Variants in CNTN3 observed in about 807,000 individuals in gnomAD.
CNTN3 encodes contactin-3.
A neutral mutation model predicts 119.1 loss-of-function variants in CNTN3; 60 were observed. That is an observed-to-expected ratio of 0.50 (90% confidence interval 0.41 to 0.62). The LOEUF (loss-of-function observed/expected upper bound fraction) is 0.62, where lower values mean the gene tolerates loss of function less well. Among genes scored for constraint, CNTN3 ranks in the 20% least tolerant of loss-of-function variants. The pLI is 0.00. For missense variants in CNTN3, 1,101 were observed against 1,242.4 expected (o/e 0.89, Z 1.71); for synonymous variants, 450 against 438.7 (o/e 1.03, Z -0.32).
At chr3:74,416,191 T>A (rs567807158) in intron 5 of CNTN3, among the ~76,000 whole-genome samples, 1 of 152,284 alleles carries the variant, frequency 6.6e-6, no homozygotes, top group Non-Finnish European at 1.5e-5. Context: ...AGAAAGAAAG[T>A]ATAGTTAATC....
chr3:74,448,870 T>C (rs866293264), intron 4 of CNTN3, among the ~76,000 whole-genome samples: 5 of 152,156 alleles, frequency 3.3e-5, no homozygotes, highest in African/African-American at 9.6e-5. Context: ...CACACATTCA[T>C]ACTTTACCTA....
chr3:74,311,705 T>G (rs1238800191), intron 13 of CNTN3, among the ~76,000 whole-genome samples: 2 of 152,222 alleles, frequency 1.3e-5, no homozygotes, highest in African/African-American at 4.8e-5. Flanking sequence ...ACCTGACTTT[T>G]GGTTTCTGAT....
At chr3:74,407,796 G>C (rs1357728140) in intron 5 of CNTN3, among the ~76,000 whole-genome samples, 3 of 152,040 alleles carry the variant, frequency 2.0e-5, no homozygotes, top group Non-Finnish European at 4.4e-5. Context: ...AAAAGAAAAA[G>C]ACTGACAAAT....
At chr3:74,577,752 T>C (rs1444698610) in intron 1 of CNTN3, among the ~76,000 whole-genome samples, 1 of 151,948 alleles carries the variant, frequency 6.6e-6, no homozygotes, top group Non-Finnish European at 1.5e-5. Flanking sequence ...CTAACATTAA[T>C]TTTAGCCAAA....
chr3:74,488,546 T>C (rs1030428618), intron 3 of CNTN3, among the ~76,000 whole-genome samples: 6 of 152,334 alleles, frequency 3.9e-5, no homozygotes, highest in Non-Finnish European at 7.3e-5. Flanking sequence ...TATGTCTGTA[T>C]CATTTTCTAT....
chr3:74,318,967 AG>A lies in CNTN3; in HGVS notation c.1668+15767del, dbSNP rs570521041. Among the ~76,000 whole-genome samples the A allele has an allele frequency of 4.9e-3, 740 of 152,308 alleles. 4 individuals carry two copies. The highest frequency in any genetic ancestry group is 5.4e-3 in the Non-Finnish European group (370 of 68,018). ...GGAATCCAACTTACAAGGGATATGA[AG>A]GACCTCTTCAAAGAAAACTACAAAC... On this transcript the variant is annotated intron_variant, in intron 13 of 22. Coordinates refer to ENST00000263665, the MANE Select transcript of CNTN3 (RefSeq NM_020872.3).
At chr3:74,327,925 T>C (rs918923607) in intron 13 of CNTN3, among the ~76,000 whole-genome samples, 2 of 151,852 alleles carry the variant, frequency 1.3e-5, no homozygotes, top group Non-Finnish European at 1.5e-5. Context: ...CTTTTTCTAA[T>C]GTCTAATTTT....
At chr3:74,414,050 T>A (rs1256129577) in intron 5 of CNTN3, among the ~76,000 whole-genome samples, 1 of 152,150 alleles carries the variant, frequency 6.6e-6, no homozygotes, top group Non-Finnish European at 1.5e-5. Flanking sequence ...AGGTGCTCAA[T>A]CTCTGTGAGC....
intron 20 of CNTN3, among the ~76,000 whole-genome samples, chr3:74,284,666 A>C (rs947611420): frequency 2.6e-5 from 4 of 152,240 alleles, no homozygotes; most frequent in Admixed American, 6.5e-5. Context: ...TAACTGAAAT[A>C]TGTGTGGAAC....
intron 13 of CNTN3, among the ~76,000 whole-genome samples, chr3:74,313,938 G>A (rs1406424497): frequency 6.6e-6 from 1 of 152,164 alleles, no homozygotes; most frequent in East Asian, 1.9e-4. Context: ...GCTTTGCAAA[G>A]CAGTTTTGTG....
intron 1 of CNTN3, among the ~76,000 whole-genome samples, chr3:74,581,747 C>T (rs1704512537): frequency 6.6e-6 from 1 of 152,152 alleles, no homozygotes; most frequent in Admixed American, 6.5e-5. Context: ...GTAGAATTTG[C>T]ATAAAGATAG....
chr3:74,271,439 T>C (rs1701773794), intron 20 of CNTN3, among the ~76,000 whole-genome samples: 1 of 152,222 alleles, frequency 6.6e-6, no homozygotes, highest in Non-Finnish European at 1.5e-5. Flanking sequence ...TTTTCTAAAA[T>C]AAATGTTTTC....
intron 4 of CNTN3, among the ~76,000 whole-genome samples, chr3:74,459,727 A>C (rs2106969881): frequency 6.6e-6 from 1 of 151,916 alleles, no homozygotes; most frequent in South Asian, 2.1e-4. Context: ...TCTGTCTTTA[A>C]CCTTTAAGGT....
intron 5 of CNTN3, among the ~76,000 whole-genome samples, chr3:74,390,003 C>T (rs1306949711): frequency 6.6e-6 from 1 of 152,166 alleles, no homozygotes; most frequent in African/African-American, 2.4e-5. Flanking sequence ...AACACTAAAC[C>T]TTTGCCTTTC....
chr3:74,423,551 T>C (rs1701649872), intron 5 of CNTN3, among the ~76,000 whole-genome samples: 1 of 152,298 alleles, frequency 6.6e-6, no homozygotes, highest in Middle Eastern at 3.4e-3. Flanking sequence ...TATCTCTTCG[T>C]AAAACCTCAC....
At chr3:74,556,756 GC>G (rs1487715657) in intron 1 of CNTN3, among the ~76,000 whole-genome samples, 3 of 152,128 alleles carry the variant, frequency 2.0e-5, no homozygotes, top group Non-Finnish European at 4.4e-5. Flanking sequence ...TATCCCATCT[GC>G]AGTGTAGGAA....
intron 11 of CNTN3, among the ~76,000 whole-genome samples, chr3:74,351,016 C>T (rs780435870): frequency 6.6e-6 from 1 of 152,106 alleles, no homozygotes; most frequent in African/African-American, 2.4e-5. Context: ...TCAATAGAGG[C>T]CCAAACTCCA....
At chr3:74,579,674 A>G (rs1416110894) in intron 1 of CNTN3, among the ~76,000 whole-genome samples, 1 of 152,152 alleles carries the variant, frequency 6.6e-6, no homozygotes, top group African/African-American at 2.4e-5. Context: ...CCAAGGGTTA[A>G]ATTGGAAATT....
At chr3:74,329,959 G>T (rs138270027) in intron 13 of CNTN3, among the ~76,000 whole-genome samples, 2 of 152,324 alleles carry the variant, frequency 1.3e-5, no homozygotes, top group African/African-American at 4.8e-5. Flanking sequence ...TCCAGGAAGA[G>T]ATCTCATGGC....
Sources: allele counts gnomAD v4.1 joint callset (sites outside exome capture counted in the v4.1 genomes callset), GRCh38; gene constraint gnomAD v4.1.1; transcripts MANE v1.5; gene names NCBI Gene and HGNC (gene_info 2026-07-23, HGNC 2026-07-21).